The following RRP1 variants were observed in gnomAD, a reference collection of about 807,000 sequenced individuals.
RRP1 encodes the protein ribosomal RNA processing 1.
A neutral mutation model predicts 54.6 loss-of-function variants in RRP1; 37 were observed. The observed-to-expected ratio is 0.68, with a 90% CI of 0.52 to 0.89. The LOEUF (loss-of-function observed/expected upper bound fraction) is 0.89, where lower values mean the gene tolerates loss of function less well. Ranked by LOEUF, RRP1 falls within the 40% of genes least tolerant of loss-of-function variation. The pLI is 0.00. For synonymous variants in RRP1, 262 were observed against 244.3 expected (o/e 1.07, Z -0.67); for missense variants, 639 against 612.5 (o/e 1.04, Z -0.46).
In RRP1 at chr21:43,804,537, T is replaced by A. The variant is rs560062964; in HGVS notation, c.*763T>A. 1 of 152,506 alleles carries A rather than the reference T, an allele frequency of 6.6e-6. No homozygotes were observed. Among genetic ancestry groups the A allele is most frequent in the Non-Finnish European group, 1.5e-5 (1 of 68,106 alleles). 9.4% of individuals were successfully genotyped at this position (152,506 alleles called of 1,614,324 possible). ...TGTGAGGGAGGTGGCGGGTCCCCAC[T>A]GTGGCGACGGAGAGCTGACAGTAGC... On this transcript the variant is annotated 3_prime_UTR_variant, in exon 13 of 13. Transcript: ENST00000497547. This position sits in a 1 kb window ranked among gnomAD's most constrained non-coding sequence, Gnocchi z 4.3.
In RRP1 at chr21:43,792,677, A is replaced by G; in HGVS notation, c.222A>G (p.Glu74=). The G allele has an allele frequency of 6.2e-7, 1 of 1,614,084 alleles. No individual in the cohort carries two copies. Among genetic ancestry groups the G allele is most frequent in the Non-Finnish European group, 8.5e-7 (1 of 1,179,948 alleles). The change falls in exon 3 of 13, where the codon GAA becomes GAG. Residue 74 remains glutamate, a synonymous_variant. Transcript: ENST00000497547. Reference sequence around the variant, plus strand: ...TTTTGTTGTTTCCTACACAGGAAGAATTAGGAAGGACTATTTCCCAGCTCG... The same window carrying G: ...TTTTGTTGTTTCCTACACAGGAAGAGTTAGGAAGGACTATTTCCCAGCTCG... The part of the protein sequence containing the change: ...WMQDKPLLQE[E]LGRTISQLVH...
In RRP1 at chr21:43,803,817, G is replaced by A. The variant is rs1268901122; in HGVS notation, c.*43G>A. ...CAGGCAGGGAGGGAGGCCAGGCCTCGCTTGCACCGCGGGACGAGGCTGACC... is the reference window on the plus strand; with the variant it reads ...CAGGCAGGGAGGGAGGCCAGGCCTCACTTGCACCGCGGGACGAGGCTGACC... On this transcript the variant is annotated 3_prime_UTR_variant, in exon 13 of 13. Transcript: ENST00000497547. 5 of 1,516,176 alleles carry A rather than the reference G, an allele frequency of 3.3e-6. No homozygotes were observed. Among genetic ancestry groups the A allele is most frequent in the African/African-American group, 1.4e-5 (1 of 73,122 alleles). 93.9% of individuals were successfully genotyped at this position (1,516,176 alleles called of 1,614,324 possible).
intron 12 of RRP1, 65 bp from the exon 13 acceptor site, chr21:43,803,446 GT>G: frequency 6.8e-7 from 1 of 1,477,544 alleles, no homozygotes; most frequent in Non-Finnish European, 9.0e-7. Context: ...CTCAGCCTGA[GT>G]TGGAGTAAGT....
At chr21:43,791,264 T>G in intron 1 of RRP1, 86 bp from the exon 2 acceptor site, 1 of 1,407,264 alleles carries the variant, frequency 7.1e-7, no homozygotes, top group Non-Finnish European at 1.0e-6. Flanking sequence ...TTTGGTCTCA[T>G]TCAGGCAGTC....
At chr21:43,801,283 C>T (rs1293102479) in intron 11 of RRP1, among the ~76,000 whole-genome samples, 2 of 152,146 alleles carry the variant, frequency 1.3e-5, no homozygotes, top group Non-Finnish European at 2.9e-5. Context: ...GTAGGCGTTT[C>T]CCCTGGTGTT....
chr21:43,797,516 T>G lies in RRP1; in HGVS notation c.517T>G (p.Phe173Val). 6.2e-7 allele frequency: 1 copy of G among 1,614,026 alleles called. No individual in the cohort carries two copies. The highest frequency in any genetic ancestry group is 8.5e-7 in the Non-Finnish European group (1 of 1,179,962). The change falls in exon 6 of 13, where the codon TTC (phenylalanine) becomes GTC (valine). Residue 173 changes from phenylalanine (F) to valine (V), a missense_variant. Phe to Val is a conservative substitution (Grantham distance 50, BLOSUM62 -1). Coordinates refer to ENST00000497547, the MANE Select transcript of RRP1 (RefSeq NM_003683.6). ...TGTGAAGAGCCACTTCATCGAGATC[T>G]TCCTGGAGGAGCTGACCAAAGTGGG... ...NGVKSHFIEI[F>V]LEELTKVGAE...
Position 43,789,681 on chromosome 21 carries a change from G to C in RRP1, c.52G>C (p.Ala18Pro), listed in dbSNP as rs1421524683. The change falls in exon 1 of 13, where the codon GCG becomes CCG. Residue 18 changes from alanine to proline, a missense_variant. Coordinates refer to ENST00000497547, the MANE Select transcript of RRP1 (RefSeq NM_003683.6). ...TGAGATCCAGCTGGCTCAGCGCCTG[G>C]CGGGGAATGAGCAGGTGACCCGGGA... is the stretch of plus-strand genomic sequence containing the variant. ...PPEIQLAQRL[A>P]GNEQVTRDRA... is the part of the protein sequence containing the mutation. The C allele has an allele frequency of 2.5e-6, 4 of 1,571,288 alleles. No individual in the cohort carries two copies. The highest frequency in any genetic ancestry group is 3.7e-5 in the Admixed American group (2 of 54,572).
intron 12 of RRP1, 161 bp downstream of exon 12, chr21:43,802,548 G>C (rs573827287): frequency 1.6e-6 from 1 of 629,692 alleles, no homozygotes; most frequent in South Asian, 1.7e-5. Context: ...CCTGTCCTCG[G>C]CATCCCTCCT....
rs769218144 is a variant in RRP1, at chr21:43,789,607, A to C, written c.-23A>C. 5.7e-6 allele frequency: 9 copies of C among 1,584,194 alleles called. No homozygotes were observed. The South Asian group carries it at 9.2e-5, about 16-fold the overall frequency. Reference sequence around the variant, plus strand: ...GCTGGGTACCAGGCGACTCCGGGACAGGGGGTCTCGGCCGTCGGCGTCATG... The same window carrying C: ...GCTGGGTACCAGGCGACTCCGGGACCGGGGGTCTCGGCCGTCGGCGTCATG... On this transcript the variant is annotated 5_prime_UTR_variant, in exon 1 of 13. Coordinates refer to ENST00000497547, the MANE Select transcript of RRP1 (RefSeq NM_003683.6).
In RRP1 at chr21:43,794,864, G is replaced by T. The variant is rs189223414; in HGVS notation, c.361-325G>T. On this transcript the variant is annotated intron_variant, in intron 4 of 12. Coordinates refer to ENST00000497547, the MANE Select transcript of RRP1 (RefSeq NM_003683.6). ...TTTCCTGGTTCTCCCTTATGAATCG[G>T]ACTGTTCCGTTTCAGCCCCGGTTTA... 2.5e-3 allele frequency among the ~76,000 whole-genome samples: 382 copies of T among 152,336 alleles called. 1 individual carries two copies. The highest frequency in any genetic ancestry group is 8.7e-3 in the African/African-American group (361 of 41,560).
intron 11 of RRP1, 98 bp downstream of exon 11, chr21:43,800,979 GTC>G (rs1468679427): frequency 4.6e-6 from 6 of 1,316,140 alleles, no homozygotes; most frequent in Non-Finnish European, 6.6e-6. Flanking sequence ...AGCACGTGGA[GTC>G]TCTTTGCAGA....
chr21:43,802,514 G>C, intron 12 of RRP1, 127 bp downstream of exon 12: 1 of 722,840 alleles, frequency 1.4e-6, no homozygotes, highest in Non-Finnish European at 2.5e-6. Context: ...CTGGGTGCCT[G>C]CTATCCACGC....
chr21:43,793,336 G>C lies in RRP1; in HGVS notation c.292G>C (p.Ala98Pro). 1 of 1,614,104 alleles carries C rather than the reference G, an allele frequency of 6.2e-7. No individual in the cohort carries two copies. Among genetic ancestry groups the C allele is most frequent in the Non-Finnish European group, 8.5e-7 (1 of 1,180,026 alleles). ...TTEAQHLFLQAFWQTMNREWT... is the reference protein window; with the variant it reads ...TTEAQHLFLQPFWQTMNREWT... Reference sequence around the variant, plus strand: ...TTCTCCAGAGCACCTGTTCCTTCAGGCCTTCTGGCAGACCATGAATCGCGA... The same window carrying C: ...TTCTCCAGAGCACCTGTTCCTTCAGCCCTTCTGGCAGACCATGAATCGCGA... The change falls in exon 4 of 13, where the codon GCC (alanine) becomes CCC (proline). Residue 98 changes from alanine to proline, a missense_variant. Transcript: ENST00000497547.
At chr21:43,789,962 C>CT (rs113629009) in intron 1 of RRP1, among the ~76,000 whole-genome samples, 200 bp downstream of exon 1, 52,391 of 152,032 alleles carry the variant, frequency 0.34, 10,804 homozygotes, top group African/African-American at 0.58. Context: ...GGTGCGGTGA[C>CT]TCTGGTCCCT....
intron 9 of RRP1, among the ~76,000 whole-genome samples, chr21:43,799,912 C>T (rs1343473874): frequency 6.6e-6 from 1 of 152,136 alleles, no homozygotes; most frequent in Non-Finnish European, 1.5e-5. Context: ...ACTGCATTAT[C>T]CAGGGCTGGC....
At chr21:43,792,816 C>A in intron 3 of RRP1, 87 bp downstream of exon 3, 1 of 1,428,920 alleles carries the variant, frequency 7.0e-7, no homozygotes, top group Non-Finnish European at 9.9e-7. Flanking sequence ...GGTTTGTGTT[C>A]TCAAATCCAG....
At chr21:43,792,818 C>T (rs2084974187) in intron 3 of RRP1, 89 bp downstream of exon 3, 1 of 1,408,782 alleles carries the variant, frequency 7.1e-7, no homozygotes, top group East Asian at 2.3e-5. Flanking sequence ...TTTGTGTTCT[C>T]AAATCCAGAG....
In RRP1 at chr21:43,799,577, C is replaced by T; in HGVS notation, c.819C>T (p.Ile273=). ...KRSEKPPAGS[I]CRAEPEAGEE... ...GGGTCCCTTTTGTTCCAGGCTCCATCTGCAGGGCTGAACCTGAGGCTGGTG... is the reference window on the plus strand; with the variant it reads ...GGGTCCCTTTTGTTCCAGGCTCCATTTGCAGGGCTGAACCTGAGGCTGGTG... The change falls in exon 9 of 13, where the codon ATC becomes ATT. Residue 273 remains isoleucine, a synonymous_variant. Coordinates refer to ENST00000497547, the MANE Select transcript of RRP1 (RefSeq NM_003683.6). 6.2e-7 allele frequency: 1 copy of T among 1,611,636 alleles called. No homozygotes were observed. The highest frequency in any genetic ancestry group is 1.1e-5 in the South Asian group (1 of 90,354).
chr21:43,796,447 C>A (rs1421861416), intron 5 of RRP1, among the ~76,000 whole-genome samples: 1 of 152,194 alleles, frequency 6.6e-6, no homozygotes, highest in African/African-American at 2.4e-5. Flanking sequence ...GAATTCAGCA[C>A]AGGAATCATG....
Sources: gnomAD v4.1 joint callset for allele counts (sites outside exome capture counted in the v4.1 genomes callset) on GRCh38, gnomAD v4.1.1 for gene constraint, Gnocchi (gnomAD v3.1) non-coding constraint, MANE v1.5 for transcripts, NCBI Gene and HGNC (gene_info 2026-07-23, HGNC 2026-07-21) for gene names.